Variants in ITPRID1 observed in about 807,000 individuals in gnomAD.
ITPRID1 encodes the protein ITPR interacting domain containing 1.
In ITPRID1, 96 loss-of-function variants were observed where a neutral mutation model predicts 95.4. The ratio of observed to expected loss-of-function variants is 1.01; its 90% CI spans 0.85 to 1.19. ITPRID1 has a LOEUF of 1.19. Ranked by LOEUF, ITPRID1 falls within the 50% of genes most tolerant of loss-of-function variation. The probability of loss-of-function intolerance (pLI) is 0.00; values close to 1 mark genes in which losing one functional copy is unlikely to be tolerated. For missense variants in ITPRID1, 1,339 were observed against 1,252.9 expected (o/e 1.07, Z -1.04); for synonymous variants, 510 against 453.6 (o/e 1.12, Z -1.58).
At chr7:31,531,735 G>T (rs1236269211) in intron 1 of ITPRID1, among the ~76,000 whole-genome samples, 3 of 152,102 alleles carry the variant, frequency 2.0e-5, no homozygotes, top group African/African-American at 7.2e-5. Flanking sequence ...AAGATCCATG[G>T]GTGTTTTTCT....
intron 1 of ITPRID1, among the ~76,000 whole-genome samples, chr7:31,545,447 A>G (rs1395783381): frequency 6.6e-6 from 1 of 152,068 alleles, no homozygotes; most frequent in Non-Finnish European, 1.5e-5. Flanking sequence ...GAAATCATGG[A>G]GGAAAAAAAA....
Position 31,656,141 on chromosome 7 carries a change from T to C in ITPRID1, c.*3312T>C. Reference sequence around the variant, plus strand: ...CTCCTATATCACTTTGCTTTTTTGTTAAAACACTGAAAACCTCCTGTCTTG... The same window carrying C: ...CTCCTATATCACTTTGCTTTTTTGTCAAAACACTGAAAACCTCCTGTCTTG... On this transcript the variant is annotated 3_prime_UTR_variant, in exon 15 of 15. Coordinates refer to ENST00000615280, the MANE Select transcript of ITPRID1 (RefSeq NM_001257967.3). 1.9e-6 allele frequency: 1 copy of C among 513,604 alleles called. No individual in the cohort carries two copies. The highest frequency in any genetic ancestry group is 2.5e-6 in the Non-Finnish European group (1 of 399,186). 31.8% of individuals were successfully genotyped at this position (513,604 alleles called of 1,614,324 possible).
In ITPRID1 at chr7:31,583,135, T is replaced by A. The variant is rs1038449032; in HGVS notation, c.1172T>A (p.Val391Asp). ...CATTGATGCATTTTGATATCTTAGG[T>A]CCAAAGCTTTGAAGAAGAGACTGGT... ...KGPDSFEMEE[V>D]QSFEEETGNP... Residue 391 changes from valine (V) to aspartate (D), a missense_variant and splice_region_variant, in exon 10 of 15, where the codon GTC becomes GAC. By Grantham distance (152) the Val-to-Asp change is radical (BLOSUM62 -3). Coordinates refer to ENST00000615280, the MANE Select transcript of ITPRID1 (RefSeq NM_001257967.3). The A allele has an allele frequency of 7.5e-6, 12 of 1,609,082 alleles. No homozygotes were observed. Among genetic ancestry groups the A allele is most frequent in the African/African-American group, 1.3e-5 (1 of 74,816 alleles).
In ITPRID1 at chr7:31,547,016, C is replaced by T. The variant is rs143476017; in HGVS notation, c.-97-2410C>T. Among the ~76,000 whole-genome samples the T allele has an allele frequency of 4.9e-3, 740 of 152,062 alleles. 5 individuals are homozygous for T. The highest frequency in any genetic ancestry group is 0.017 in the African/African-American group (706 of 41,460). ...TCTTAGAGAGGCTTATATTTAAAAC[C>T]AAGTTAAATGATTATTTTCATTAAG... On this transcript the variant is annotated intron_variant, in intron 1 of 14. Transcript: ENST00000615280.
intron 10 of ITPRID1, among the ~76,000 whole-genome samples, chr7:31,628,204 T>C (rs939175685): frequency 1.3e-5 from 2 of 152,206 alleles, no homozygotes; most frequent in Non-Finnish European, 2.9e-5. Context: ...CCATGTTCTT[T>C]CTTCTGCCCT....
rs72374972 is a variant in ITPRID1 at position 31,519,578 on chromosome 7, ATCTCTCTCTCTC to A, written c.-98+5490_-98+5501del. On this transcript the variant is annotated intron_variant, in intron 1 of 14. Coordinates refer to ENST00000615280, the MANE Select transcript of ITPRID1 (RefSeq NM_001257967.3). The stretch of plus-strand genomic sequence containing the variant: ...ATGCATATATGGTTCTATTTCTGGT[ATCTCTCTCTCTC>A]TCTCTCTCTCTCTCTCTCTCTCTCT... Among the ~76,000 whole-genome samples the A allele has an allele frequency of 1.3e-3, 50 of 37,472 alleles. 2 individuals are homozygous for A. The highest frequency in any genetic ancestry group is 7.6e-3 in the South Asian group (5 of 654). 24.6% of individuals were successfully genotyped at this position (37,472 alleles called of 152,430 possible). A position where few individuals can be genotyped will look rare whatever the true frequency, so the allele number is the denominator to read the frequency against.
At chr7:31,567,391 A>G (rs1467668313) in intron 5 of ITPRID1, among the ~76,000 whole-genome samples, 2 of 152,196 alleles carry the variant, frequency 1.3e-5, no homozygotes, top group Non-Finnish European at 2.9e-5. Context: ...AGGATAGTAA[A>G]TAACTCAATC....
chr7:31,628,843 T>G (rs1788734505), intron 10 of ITPRID1, among the ~76,000 whole-genome samples: 1 of 152,176 alleles, frequency 6.6e-6, no homozygotes, highest in Non-Finnish European at 1.5e-5. Context: ...AAGCACTATT[T>G]CTTCTTACTG....
intron 10 of ITPRID1, among the ~76,000 whole-genome samples, chr7:31,638,464 T>C (rs1180920533): frequency 6.6e-6 from 1 of 152,196 alleles, no homozygotes; most frequent in East Asian, 1.9e-4. Context: ...GGTGTTTATG[T>C]TTGTAGACTT....
chr7:31,658,474 G>C (rs1018875165), downstream of ITPRID1: 2 of 1,247,234 alleles, frequency 1.6e-6, no homozygotes, highest in Non-Finnish European at 2.1e-6. Context: ...AAAGAGGTTA[G>C]AGTATCAAAG....
At chr7:31,639,908 T>G (rs879794808) in intron 10 of ITPRID1, among the ~76,000 whole-genome samples, 7 of 152,208 alleles carry the variant, frequency 4.6e-5, no homozygotes, top group Non-Finnish European at 1.0e-4. Flanking sequence ...CTTAGGGTGG[T>G]TTCAATTGAT....
chr7:31,528,842 C>T (rs759433244), intron 1 of ITPRID1, among the ~76,000 whole-genome samples: 5 of 152,096 alleles, frequency 3.3e-5, no homozygotes, highest in Non-Finnish European at 7.4e-5. Context: ...ATTTGAAATG[C>T]ACAAGATCTT....
intron 8 of ITPRID1, among the ~76,000 whole-genome samples, chr7:31,575,471 G>T (rs1785147134): frequency 6.6e-6 from 1 of 152,178 alleles, no homozygotes; most frequent in Non-Finnish European, 1.5e-5. Flanking sequence ...GCATGTTCTT[G>T]AGGGTGCCTG....
chr7:31,642,105 AGG>A, intron 10 of ITPRID1, 69 bp from the exon 11 acceptor site: 1 of 1,045,398 alleles, frequency 9.6e-7, no homozygotes, highest in Non-Finnish European at 1.4e-6. Flanking sequence ...AGGCACCTAG[AGG>A]GGTTGATCCA....
Position 31,643,743 on chromosome 7 carries a change from T to C in ITPRID1, c.2373T>C (p.Ser791=). 6.2e-7 allele frequency: 1 copy of C among 1,614,052 alleles called. No individual in the cohort carries two copies. Among genetic ancestry groups the C allele is most frequent in the Non-Finnish European group, 8.5e-7 (1 of 1,179,896 alleles). Residue 791 remains serine (S), a synonymous_variant, in exon 12 of 15, where the codon AGT becomes AGC. Transcript: ENST00000615280. ...KSVSLDSGFS[S]ICPMGTCHAI... Reference sequence around the variant, plus strand: ...TCTCTCTAGACTCAGGCTTCTCTAGTATCTGCCCAATGGGCACCTGCCATG... The same window carrying C: ...TCTCTCTAGACTCAGGCTTCTCTAGCATCTGCCCAATGGGCACCTGCCATG...
rs1464852032 is a variant in ITPRID1 at position 31,578,384 on chromosome 7, A to G, written c.1120A>G (p.Ser374Gly). ...ENLFQTNKLK[S>G]LSHLAGKGPD... Reference sequence around the variant, plus strand: ...CTTATTTCAGACTAACAAGCTCAAGAGCTTGTCTCATCTTGCAGGCAAAGG... The same window carrying G: ...CTTATTTCAGACTAACAAGCTCAAGGGCTTGTCTCATCTTGCAGGCAAAGG... Residue 374 changes from serine to glycine, a missense_variant, in exon 9 of 15, where the codon AGC becomes GGC. Transcript: ENST00000615280. The G allele has an allele frequency of 1.5e-5, 25 of 1,613,360 alleles. No individual in the cohort carries two copies. In the East Asian group the frequency reaches 5.6e-4, roughly 36 times the overall value.
At chr7:31,553,314 G>A in intron 3 of ITPRID1, 127 bp downstream of exon 3, 2 of 843,226 alleles carry the variant, frequency 2.4e-6, no homozygotes, top group Non-Finnish European at 3.6e-6. Context: ...CAGTGTTCCT[G>A]GCATGATGCC....
chr7:31,612,806 G>A (rs1786935663), intron 10 of ITPRID1, among the ~76,000 whole-genome samples: 1 of 151,998 alleles, frequency 6.6e-6, no homozygotes, highest in Non-Finnish European at 1.5e-5. Context: ...ATCTTTCTTG[G>A]GCATGAACAC....
intron 1 of ITPRID1, among the ~76,000 whole-genome samples, chr7:31,530,062 G>C (rs758947372): frequency 2.0e-5 from 3 of 152,100 alleles, no homozygotes; most frequent in East Asian, 1.9e-4. Context: ...TTACCCCCAG[G>C]ACTACCTAGG....
Sources: gnomAD v4.1 joint callset for allele counts (sites outside exome capture counted in the v4.1 genomes callset) on GRCh38, gnomAD v4.1.1 for gene constraint, MANE v1.5 for transcripts, NCBI Gene and HGNC (gene_info 2026-07-23, HGNC 2026-07-21) for gene names.